Variants in FRY observed in about 807,000 individuals in gnomAD.
FRY encodes FRY microtubule binding protein.
Under a neutral mutation model 348.4 loss-of-function variants are expected in FRY, and 128 were observed. The ratio of observed to expected loss-of-function variants is 0.37; its 90% confidence interval spans 0.32 to 0.43. The LOEUF is 0.43. Ranked by LOEUF, FRY falls within the 20% of genes least tolerant of loss-of-function variation. The probability of loss-of-function intolerance (pLI) is 1.00; values close to 1 mark genes in which losing one functional copy is unlikely to be tolerated. For missense variants in FRY, 2,736 were observed against 3,695.2 expected (o/e 0.74, Z 6.73); for synonymous variants, 1,370 against 1,374.7 (o/e 1.00, Z 0.08).
At chr13:32,092,349 T>C (rs572104742) in intron 2 of FRY, among the ~76,000 whole-genome samples, 2 of 152,370 alleles carry the variant, frequency 1.3e-5, no homozygotes, top group South Asian at 4.1e-4. Context: ...TCTAAGTGAC[T>C]GTGGCCTGTC....
chr13:32,254,703 CA>C (rs551045839), intron 51 of FRY, among the ~76,000 whole-genome samples: 1 of 152,002 alleles, frequency 6.6e-6, no homozygotes, highest in Non-Finnish European at 1.5e-5. Context: ...AAAAAAATCA[CA>C]AAAAACATTT....
At position 32,194,154 on chromosome 13, in the gene FRY, T is replaced by C. The variant is rs2138296797; in HGVS notation, c.3603T>C (p.Leu1201=). The C allele has an allele frequency of 6.2e-7, 1 of 1,613,954 alleles. No individual in the cohort carries two copies. Among genetic ancestry groups the C allele is most frequent in the East Asian group, 2.2e-5 (1 of 44,880 alleles). Residue 1201 remains leucine, a synonymous_variant, in exon 29 of 61, where the codon CTT becomes CTC. Transcript: ENST00000542859. ...LACQDLRVHQ[L]GCEVVVLLLE... is the part of the protein sequence containing the mutation. ...CTCCATGTATTCAGGTTCATCAACTTGGCTGCGAAGTTGTTGTCTTGCTAC... is the reference window on the plus strand; with the variant it reads ...CTCCATGTATTCAGGTTCATCAACTCGGCTGCGAAGTTGTTGTCTTGCTAC...
rs939771963 is a variant in FRY, at chr13:32,224,352, C to T, written c.4883C>T (p.Pro1628Leu). 1.9e-6 allele frequency: 3 copies of T among 1,613,996 alleles called. No individual in the cohort carries two copies. Among genetic ancestry groups the T allele is most frequent in the African/African-American group, 1.3e-5 (1 of 75,020 alleles). ...TGGGCCCCCCTGGTTGACTATCTCC[C>T]GGAGACCATCACTCCCCGGGGGCCA... is the stretch of plus-strand genomic sequence containing the variant. ...GCWAPLVDYLPETITPRGPLH... is the reference protein window; with the variant it reads ...GCWAPLVDYLLETITPRGPLH... Residue 1628 changes from proline to leucine, a missense_variant, in exon 37 of 61, where the codon CCG becomes CTG. Physicochemically the swap from Pro to Leu is moderately conservative, Grantham distance 98 (BLOSUM62 -3). Coordinates refer to ENST00000542859, the MANE Select transcript of FRY (RefSeq NM_023037.3).
rs2138773967 is a variant in FRY, at chr13:32,134,894, T to C, written c.886-10T>C. The C allele has an allele frequency of 6.4e-7, 1 of 1,565,378 alleles. No homozygotes were observed. The highest frequency in any genetic ancestry group is 2.2e-5 in the East Asian group (1 of 44,610). The stretch of plus-strand genomic sequence containing the variant: ...ACTCTCCCTCCCTATACTCTTTTTC[T>C]GCTTCCCAGGAATGTGCACATTACT... On this transcript the variant is annotated splice_polypyrimidine_tract_variant and intron_variant, in intron 8 of 60. Transcript: ENST00000542859.
chr13:32,252,757 G>A (rs1262476676), intron 50 of FRY, among the ~76,000 whole-genome samples: 1 of 151,860 alleles, frequency 6.6e-6, no homozygotes, highest in African/African-American at 2.4e-5. Flanking sequence ...AATATTAGAG[G>A]CTCATAAATA....
rs779228799 is a variant in FRY, at chr13:32,247,382, C to T, written c.6888C>T (p.Ser2296=). ...AGCTGGTAGTTTCTCGGTCAGCCAG[C>T]CTTGTTTTACCTTCATACCAGCACA... ...ILKLVVSRSA[S]LVLPSYQHSD... The change falls in exon 48 of 61, where the codon AGC becomes AGT. Residue 2296 remains serine, a synonymous_variant. Coordinates refer to ENST00000542859, the MANE Select transcript of FRY (RefSeq NM_023037.3). 6.2e-7 allele frequency: 1 copy of T among 1,613,274 alleles called. No homozygotes were observed. The highest frequency in any genetic ancestry group is 2.2e-5 in the East Asian group (1 of 44,884).
At chr13:32,167,214 T>C (rs1447749632) in intron 17 of FRY, among the ~76,000 whole-genome samples, 1 of 152,204 alleles carries the variant, frequency 6.6e-6, no homozygotes. Flanking sequence ...ATTGGTTTGC[T>C]AGGGCTGCTG....
rs1878888697 is a variant in FRY at position 32,124,314 on chromosome 13, G to T, written c.493G>T (p.Glu165Ter). The change falls in exon 5 of 61, where the codon GAA becomes TAA. Residue 165 changes from glutamate to a stop codon, truncating the protein, a stop_gained. Transcript: ENST00000542859. LOFTEE classifies it high-confidence loss of function. ...TGAACAACAGCGAGATTATTTAATGGAAAGACGGGACCTCGCCATTGATTT... is the reference window on the plus strand; with the variant it reads ...TGAACAACAGCGAGATTATTTAATGTAAAGACGGGACCTCGCCATTGATTT... ...SDEQQRDYLM[E>*]RRDLAIDFIF... is the part of the protein sequence containing the mutation. 6.2e-7 allele frequency: 1 copy of T among 1,601,230 alleles called. No homozygotes were observed.
At chr13:32,144,815 T>C (rs779344112) in intron 11 of FRY, among the ~76,000 whole-genome samples, 3 of 152,212 alleles carry the variant, frequency 2.0e-5, no homozygotes, top group Non-Finnish European at 4.4e-5. Context: ...AGAGAACCTA[T>C]CATTTATGTG....
intron 58 of FRY, among the ~76,000 whole-genome samples, chr13:32,283,656 G>A (rs553302152): frequency 1.3e-5 from 2 of 152,164 alleles, no homozygotes; most frequent in African/African-American, 2.4e-5. Context: ...ATATTTTGGG[G>A]CTCTTTTTTA....
chr13:32,224,701 T>A (rs757772774), intron 37 of FRY, among the ~76,000 whole-genome samples: 1 of 152,202 alleles, frequency 6.6e-6, no homozygotes, highest in Non-Finnish European at 1.5e-5. Context: ...ATCCCTTAGC[T>A]CTTATTGCCT....
At position 32,208,966 on chromosome 13, in the gene FRY, G is replaced by A. The variant is rs370782530; in HGVS notation, c.4132G>A (p.Gly1378Arg). The A allele has an allele frequency of 4.2e-5, 67 of 1,613,984 alleles. No individual in the cohort carries two copies. Among genetic ancestry groups the A allele is most frequent in the Non-Finnish European group, 5.7e-5 (67 of 1,180,036 alleles). The change falls in exon 32 of 61, where the codon GGG becomes AGG. Residue 1378 changes from glycine to arginine, a missense_variant. Around this residue, in one of 9 missense-constraint regions of FRY, gnomAD observed 794 missense variants for 977.0 expected, o/e 0.81. Coordinates refer to ENST00000542859, the MANE Select transcript of FRY (RefSeq NM_023037.3). ...ELVDSRLLLP[G>R]SSPSSPEDEV... ...GGTGGACAGCAGGCTCCTCCTCCCG[G>A]GGTCGAGCCCCAGCAGCCCAGAGGA...
chr13:32,076,624 C>CT (rs1875078935), intron 1 of FRY, among the ~76,000 whole-genome samples: 1 of 152,210 alleles, frequency 6.6e-6, no homozygotes, highest in Non-Finnish European at 1.5e-5. Flanking sequence ...TTAAAAGACT[C>CT]TGACATATTG....
At position 32,171,127 on chromosome 13, in the gene FRY, C is replaced by T. The variant is rs750532780; in HGVS notation, c.2008C>T (p.Leu670=). 2.5e-6 allele frequency: 4 copies of T among 1,613,828 alleles called. No homozygotes were observed. Among genetic ancestry groups the T allele is most frequent in the South Asian group, 1.1e-5 (1 of 91,076 alleles). ...TGTACTATTTGGCTTTACCAACTTCCTGCTCCGGGAAGTAAATGATATGCA... is the reference window on the plus strand; with the variant it reads ...TGTACTATTTGGCTTTACCAACTTCTTGCTCCGGGAAGTAAATGATATGCA... ...EDVLFGFTNF[L]LREVNDMHHT... The change falls in exon 18 of 61, where the codon CTG becomes TTG. Residue 670 remains leucine, a synonymous_variant. Transcript: ENST00000542859.
At chr13:32,122,741 C>G (rs540515178) in intron 4 of FRY, among the ~76,000 whole-genome samples, 33 of 152,124 alleles carry the variant, frequency 2.2e-4, no homozygotes, top group Non-Finnish European at 4.0e-4. Flanking sequence ...AAGAAGAAGT[C>G]AAACTGTCAC....
At chr13:32,076,796 T>C (rs967863810) in intron 1 of FRY, among the ~76,000 whole-genome samples, 3 of 152,200 alleles carry the variant, frequency 2.0e-5, no homozygotes, top group African/African-American at 7.2e-5. Context: ...TAGGGAACTT[T>C]TAGGAGATAT....
chr13:32,161,906 A>G (rs1486761465), intron 17 of FRY, among the ~76,000 whole-genome samples: 1 of 152,216 alleles, frequency 6.6e-6, no homozygotes, highest in Non-Finnish European at 1.5e-5. Context: ...AAGCTTAGTT[A>G]TCTCATGTTG....
intron 2 of FRY, among the ~76,000 whole-genome samples, chr13:32,081,028 T>C (rs1002954056): frequency 6.6e-6 from 1 of 152,230 alleles, no homozygotes; most frequent in African/African-American, 2.4e-5. Context: ...ACATTTTCCC[T>C]CTTAACTCAG....
At chr13:32,096,319 T>C (rs570576666) in intron 2 of FRY, among the ~76,000 whole-genome samples, 1 of 152,034 alleles carries the variant, frequency 6.6e-6, no homozygotes, top group East Asian at 1.9e-4. Flanking sequence ...AACTTCCAAC[T>C]GTGTACTAGG....
Sources: gnomAD v4.1 joint callset for allele counts (sites outside exome capture counted in the v4.1 genomes callset) on GRCh38, gnomAD v4.1.1 for gene constraint, gnomAD v4.1.1 regional missense constraint, MANE v1.5 for transcripts, NCBI Gene and HGNC (gene_info 2026-07-23, HGNC 2026-07-21) for gene names.